The following CDC14B variants were observed in gnomAD, a reference collection of about 807,000 sequenced individuals.
CDC14B encodes cell division cycle 14B, also known as dual specificity protein phosphatase CDC14B.
Under a neutral mutation model 64.2 loss-of-function variants are expected in CDC14B, and 22 were observed. The ratio of observed to expected loss-of-function variants is 0.34; its 90% CI spans 0.24 to 0.49. The LOEUF is 0.49. Among genes scored for constraint, CDC14B ranks in the 20% least tolerant of loss-of-function variants. The pLI is 0.99. For missense variants in CDC14B, 498 were observed against 629.9 expected, an observed-to-expected ratio of 0.79 and a Z score of 2.24; for synonymous variants, 191 against 215.8, an observed-to-expected ratio of 0.89 and a Z score of 1.01.
At chr9:96,576,031 T>C (rs948747164) in intron 1 of CDC14B, among the ~76,000 whole-genome samples, 9 of 152,204 alleles carry the variant, frequency 5.9e-5, no homozygotes, top group Admixed American at 6.5e-5. Context: ...ATCCCAGCAC[T>C]TTGGGAGGCT....
At chr9:96,552,903 T>C (rs546335114) in intron 4 of CDC14B, among the ~76,000 whole-genome samples, 5 of 152,244 alleles carry the variant, frequency 3.3e-5, no homozygotes, top group South Asian at 2.1e-4. Flanking sequence ...TTTGGGGAAA[T>C]AGATTTTAAA....
At chr9:96,606,332 C>CA (rs772460843) in intron 1 of CDC14B, among the ~76,000 whole-genome samples, 1,947 of 20,854 alleles carry the variant, frequency 0.093, 263 homozygotes, top group Non-Finnish European at 0.14. Context: ...GACTCCATCT[C>CA]AAAAAAAAAA....
intron 1 of CDC14B, among the ~76,000 whole-genome samples, chr9:96,578,236 TTGAG>T (rs1246300134): frequency 1.3e-5 from 2 of 152,162 alleles, no homozygotes; most frequent in African/African-American, 4.8e-5. Context: ...AAATAAGTGA[TTGAG>T]TAAGTAAATG....
intron 1 of CDC14B, among the ~76,000 whole-genome samples, chr9:96,601,980 A>C (rs922666505): frequency 1.4e-5 from 2 of 145,404 alleles, no homozygotes; most frequent in Non-Finnish European, 3.0e-5. Flanking sequence ...AATGGCGTGA[A>C]CCCAGGAGGC....
chr9:96,549,538 G>A (rs1443252976), intron 5 of CDC14B, among the ~76,000 whole-genome samples: 2 of 151,972 alleles, frequency 1.3e-5, no homozygotes, highest in East Asian at 1.9e-4. Flanking sequence ...GGTGGCACAC[G>A]CCTGTAGTCC....
In CDC14B at chr9:96,502,088, T is replaced by C. The variant is rs1833604964; in HGVS notation, c.*1665A>G. 6.6e-6 allele frequency: 1 copy of C among 152,216 alleles called. No homozygotes were observed. Among genetic ancestry groups the C allele is most frequent in the Non-Finnish European group, 1.5e-5 (1 of 68,028 alleles). The allele number at this position is 152,216 out of a possible 1,614,324, so 9.4% of individuals were successfully genotyped here. A position where few individuals can be genotyped will look rare whatever the true frequency, so the allele number is the denominator to read the frequency against. ...ACCCAAATCTTATTGAAGAGTAGTC[T>C]GCCCACAGCCAAGTGGGTCTTTGTG... On this transcript the variant is annotated 3_prime_UTR_variant, in exon 14 of 14. Transcript: ENST00000375241.
At chr9:96,566,936 C>A in intron 1 of CDC14B, 1 of 1,506,640 alleles carries the variant, frequency 6.6e-7, no homozygotes. Flanking sequence ...CGCGGGGCAG[C>A]GGGCGCAGCG....
intron 1 of CDC14B, among the ~76,000 whole-genome samples, chr9:96,594,336 T>C (rs764248618): frequency 2.0e-5 from 3 of 152,076 alleles, no homozygotes; most frequent in Non-Finnish European, 4.4e-5. Flanking sequence ...CTGCACAGAA[T>C]AGAGAACCCT....
At chr9:96,584,016 C>T (rs577290642) in intron 1 of CDC14B, among the ~76,000 whole-genome samples, 19 of 152,164 alleles carry the variant, frequency 1.2e-4, no homozygotes, top group Middle Eastern at 6.8e-3. Context: ...CCGCGCCTGG[C>T]GGTTGTGAGG....
At chr9:96,491,810 GT>G (rs966218433) in exon 14 of CDC14B, 19 of 152,256 alleles carry the variant, frequency 1.2e-4, no homozygotes, top group African/African-American at 4.3e-4. Context: ...GTTGAAGACA[GT>G]TTTGGGGAAC....
rs569592668 is a variant in CDC14B at position 96,588,108 on chromosome 9, A to G, written c.161-22625T>C. 2.0e-5 allele frequency among the ~76,000 whole-genome samples: 3 copies of G among 152,260 alleles called. No individual in the cohort carries two copies. In the East Asian group the frequency reaches 5.8e-4, roughly 29 times the overall value. ...AGCTTTGCTTCTTGTGGGGGCTGCA[A>G]TACTACAGAAGAAACACTCTGGGGG... On this transcript the variant is annotated intron_variant, in intron 1 of 13. Coordinates refer to ENST00000375241, the MANE Select transcript of CDC14B (RefSeq NM_033331.4).
chr9:96,588,208 C>T (rs112247740), intron 1 of CDC14B, among the ~76,000 whole-genome samples: 10 of 152,134 alleles, frequency 6.6e-5, no homozygotes, highest in African/African-American at 2.2e-4. Context: ...ACTGAAAGCC[C>T]CCTATTAACC....
chr9:96,495,481 C>A (rs887217538), downstream of CDC14B, among the ~76,000 whole-genome samples: 10 of 151,178 alleles, frequency 6.6e-5, no homozygotes, highest in African/African-American at 2.4e-4. Context: ...GATGAACAAC[C>A]TGCACAACTG....
chr9:96,522,541 G>A lies in CDC14B; in HGVS notation c.1308C>T (p.Ser436=). Residue 436 remains serine (S), a synonymous_variant, in exon 12 of 14, where the codon AGC becomes AGT. Transcript: ENST00000375241. ...TQGDRLRALK[S]RRQSKTNAIP... ...TAGCGTTTGTTTTGGATTGTCTTCT[G>A]CTTTTCAAGGCCCGAAGTCTATCAC... 2 of 1,613,450 alleles carry A rather than the reference G, an allele frequency of 1.2e-6. No individual in the cohort carries two copies. Among genetic ancestry groups the A allele is most frequent in the Non-Finnish European group, 1.7e-6 (2 of 1,179,384 alleles).
At chr9:96,531,873 G>C (rs1401050045) in intron 9 of CDC14B, among the ~76,000 whole-genome samples, 1 of 151,916 alleles carries the variant, frequency 6.6e-6, no homozygotes, top group Non-Finnish European at 1.5e-5. Context: ...TCAAATGGCT[G>C]TGTGTTACTG....
intron 4 of CDC14B, among the ~76,000 whole-genome samples, chr9:96,555,240 T>C (rs753112688): frequency 3.3e-5 from 5 of 152,272 alleles, no homozygotes; most frequent in Non-Finnish European, 7.3e-5. Context: ...GGCTAGATCA[T>C]AAAAGAGGTA....
intron 1 of CDC14B, among the ~76,000 whole-genome samples, chr9:96,571,179 A>AT (rs60431469): frequency 0.045 from 6,620 of 146,092 alleles, 457 homozygotes; most frequent in African/African-American, 0.15. Context: ...CGAAAAAAAA[A>AT]TTTTTTTTTT....
intron 1 of CDC14B, among the ~76,000 whole-genome samples, chr9:96,615,577 G>A (rs1370005041): frequency 6.6e-6 from 1 of 152,212 alleles, no homozygotes; most frequent in Non-Finnish European, 1.5e-5. Flanking sequence ...CTACTCCACT[G>A]TGAAAGAATC....
chr9:96,514,562 G>A, intron 12 of CDC14B: 1 of 985,422 alleles, frequency 1.0e-6, no homozygotes, highest in Non-Finnish European at 1.2e-6. Context: ...TCAGCTATGT[G>A]AAAATACTCA....
Sources: gnomAD v4.1 joint callset for allele counts (sites outside exome capture counted in the v4.1 genomes callset) on GRCh38, gnomAD v4.1.1 for gene constraint, MANE v1.5 for transcripts, NCBI Gene and HGNC (gene_info 2026-07-23, HGNC 2026-07-21) for gene names.